The following LASP1 variants were observed in gnomAD, a reference collection of about 807,000 sequenced individuals.
LASP1 encodes the protein LIM and SH3 domain protein 1.
LASP1 carries 10 observed loss-of-function variants against 38.6 expected under a neutral mutation model. The observed-to-expected ratio is 0.26, with a 90% CI of 0.16 to 0.44. The LOEUF (loss-of-function observed/expected upper bound fraction) is 0.44, where lower values mean the gene tolerates loss of function less well. LASP1 is among the 20% of genes least tolerant of loss of function. The pLI is 1.00. For missense variants in LASP1, 243 were observed against 375.7 expected, an observed-to-expected ratio of 0.65 and a Z score of 2.92; for synonymous variants, 132 against 140.8, an observed-to-expected ratio of 0.94 and a Z score of 0.44.
chr17:38,912,340 C>T (rs1246996632), intron 4 of LASP1, among the ~76,000 whole-genome samples: 1 of 152,120 alleles, frequency 6.6e-6, no homozygotes, highest in Non-Finnish European at 1.5e-5. Flanking sequence ...AGAGAGGGAG[C>T]AAGGGTGCCG....
Position 38,881,268 on chromosome 17 carries a change from T to C in LASP1, c.164+3088T>C, listed in dbSNP as rs576475941. On this transcript the variant is annotated intron_variant, in intron 2 of 6. Coordinates refer to ENST00000318008, the MANE Select transcript of LASP1 (RefSeq NM_006148.4). ...TACTTTTTTTGTTTTTATTTTGCTT[T>C]GGTTTTTTGGAGACAAGGTCTCCAA... Among the ~76,000 whole-genome samples, 170 of 152,098 alleles carry C rather than the reference T, an allele frequency of 1.1e-3. 1 individual carries two copies. The highest frequency in any genetic ancestry group is 2.9e-3 in the Admixed American group (44 of 15,264).
chr17:38,887,420 C>T (rs1448816777), intron 2 of LASP1, among the ~76,000 whole-genome samples: 1 of 152,212 alleles, frequency 6.6e-6, no homozygotes, highest in East Asian at 1.9e-4. Flanking sequence ...GGTTGATCAT[C>T]CCTTGGCCTG....
chr17:38,921,598 A>G lies in LASP1; in HGVS notation c.*2820A>G, dbSNP rs1312074627. ...TGTGAGTGTGTGAAGCCGCCAGTTCATCTTTTTATATGGGGTTGTTGTCTC... is the reference window on the plus strand; with the variant it reads ...TGTGAGTGTGTGAAGCCGCCAGTTCGTCTTTTTATATGGGGTTGTTGTCTC... On this transcript the variant is annotated 3_prime_UTR_variant, in exon 7 of 7. Transcript: ENST00000318008. 3 of 232,756 alleles carry G rather than the reference A, an allele frequency of 1.3e-5. No homozygotes were observed. The highest frequency in any genetic ancestry group is 1.7e-5 in the Non-Finnish European group (2 of 117,734). The allele number at this position is 232,756 out of a possible 1,614,324, so 14.4% of individuals were successfully genotyped here.
intron 1 of LASP1, among the ~76,000 whole-genome samples, chr17:38,876,860 G>A (rs1000549741): frequency 3.3e-5 from 5 of 151,684 alleles, no homozygotes; most frequent in African/African-American, 9.7e-5. Flanking sequence ...CCGCCACCAC[G>A]CCTGGCTAAT....
chr17:38,917,149 G>A (rs561646455), intron 6 of LASP1, among the ~76,000 whole-genome samples: 1 of 152,282 alleles, frequency 6.6e-6, no homozygotes, highest in South Asian at 2.1e-4. Flanking sequence ...AAGAGGCAGT[G>A]GTTTGAGGGT....
chr17:38,879,699 C>T (rs975791363), intron 2 of LASP1, among the ~76,000 whole-genome samples: 45 of 152,048 alleles, frequency 3.0e-4, no homozygotes, highest in African/African-American at 1.1e-3. Flanking sequence ...TACCCCAAAC[C>T]TTCCTTGCTT....
chr17:38,914,735 A>T (rs523145), intron 5 of LASP1, among the ~76,000 whole-genome samples: 106,691 of 151,278 alleles, frequency 0.71, 38,811 homozygotes, highest in African/African-American at 0.9. Context: ...CATGCAGGCG[A>T]GGAAAAGACT....
At chr17:38,889,179 G>A (rs1039289593) in intron 2 of LASP1, among the ~76,000 whole-genome samples, 1 of 152,078 alleles carries the variant, frequency 6.6e-6, no homozygotes, top group Non-Finnish European at 1.5e-5. Flanking sequence ...CACATAGGCT[G>A]GAGTGCAATG....
intron 4 of LASP1, among the ~76,000 whole-genome samples, chr17:38,899,769 G>T (rs538557526): frequency 1.1e-5 from 1 of 92,730 alleles, no homozygotes; most frequent in South Asian, 3.4e-4. Flanking sequence ...TTTTGAGACA[G>T]AGTCTCACTC....
intron 3 of LASP1, 66 bp downstream of exon 3, chr17:38,890,570 G>A: frequency 6.9e-7 from 1 of 1,456,954 alleles, no homozygotes; most frequent in South Asian, 1.1e-5. Flanking sequence ...TGTAAGGTCG[G>A]CATTTGGCAA....
At chr17:38,878,479 C>T (rs951793476) in intron 2 of LASP1, among the ~76,000 whole-genome samples, 5 of 152,190 alleles carry the variant, frequency 3.3e-5, no homozygotes, top group East Asian at 3.8e-4. Context: ...AACCCAATTT[C>T]GGGCAGTAAG....
intron 4 of LASP1, among the ~76,000 whole-genome samples, chr17:38,900,266 G>C (rs1182712135): frequency 6.7e-6 from 1 of 150,046 alleles, no homozygotes; most frequent in Non-Finnish European, 1.5e-5. Context: ...TGTGGTCCTA[G>C]CTATTCAGGA....
At chr17:38,875,531 C>T (rs1053544266) in intron 1 of LASP1, among the ~76,000 whole-genome samples, 1 of 152,136 alleles carries the variant, frequency 6.6e-6, no homozygotes, top group East Asian at 1.9e-4. Flanking sequence ...AGCTTAGACC[C>T]GCCACTTCTT....
At chr17:38,907,875 G>A (rs188334043) in intron 4 of LASP1, among the ~76,000 whole-genome samples, 14 of 152,312 alleles carry the variant, frequency 9.2e-5, no homozygotes, top group African/African-American at 3.4e-4. Context: ...GTCAGGGTTT[G>A]CAGGACCGCC....
At chr17:38,870,406 G>A in intron 1 of LASP1, 148 bp downstream of exon 1, 1 of 843,332 alleles carries the variant, frequency 1.2e-6, no homozygotes, top group African/African-American at 1.7e-5. Flanking sequence ...TGGGGTGTGG[G>A]GACACATCCC....
At chr17:38,900,363 G>T (rs532566393) in intron 4 of LASP1, among the ~76,000 whole-genome samples, 78 of 109,966 alleles carry the variant, frequency 7.1e-4, no homozygotes, top group Non-Finnish European at 1.1e-3. Flanking sequence ...CTGGGAAACC[G>T]AGTGAGACCC....
At chr17:38,911,918 C>T (rs183110916) in intron 4 of LASP1, among the ~76,000 whole-genome samples, 2 of 152,292 alleles carry the variant, frequency 1.3e-5, no homozygotes, top group African/African-American at 4.8e-5. Context: ...CTCAGCCTCC[C>T]GCGTAGCTGG....
chr17:38,886,164 C>G (rs969844867), intron 2 of LASP1, among the ~76,000 whole-genome samples: 2 of 151,982 alleles, frequency 1.3e-5, no homozygotes, highest in East Asian at 1.9e-4. Flanking sequence ...CGCTCTCGCT[C>G]TCTCCTCACT....
rs1168666039 is a variant in LASP1, at chr17:38,920,289, C to T, written c.*1511C>T. The T allele has an allele frequency of 2.4e-6, 1 of 413,830 alleles. No homozygotes were observed. The highest frequency in any genetic ancestry group is 2.3e-5 in the South Asian group (1 of 43,202). The allele number at this position is 413,830 out of a possible 1,614,324, so 25.6% of individuals were successfully genotyped here. On this transcript the variant is annotated 3_prime_UTR_variant, in exon 7 of 7. Transcript: ENST00000318008. ...CCTGTGGGTGTCTCCCTCGGGGGCT[C>T]TTCCCCTAGACCTCCCCCTCACTTA...
Sources: allele counts gnomAD v4.1 joint callset (sites outside exome capture counted in the v4.1 genomes callset), GRCh38; gene constraint gnomAD v4.1.1; transcripts MANE v1.5; gene names NCBI Gene and HGNC (gene_info 2026-07-23, HGNC 2026-07-21).